The following EPHA6 variants were observed in gnomAD, a reference collection of about 807,000 sequenced individuals.
The protein encoded by EPHA6 is EPH receptor A6.
Under a neutral mutation model 112.0 loss-of-function variants are expected in EPHA6, and 50 were observed. That is an observed-to-expected ratio of 0.45 (90% CI 0.36 to 0.56). The LOEUF (loss-of-function observed/expected upper bound fraction) is 0.56. Ranked by LOEUF, EPHA6 falls within the 20% of genes least tolerant of loss-of-function variation. The pLI is 0.00. For missense variants in EPHA6, 1,280 were observed against 1,417.4 expected, an observed-to-expected ratio of 0.90 and a Z score of 1.56; for synonymous variants, 529 against 490.7, an observed-to-expected ratio of 1.08 and a Z score of -1.03.
At position 96,995,575 on chromosome 3, in the gene EPHA6, G is replaced by A. The variant is rs377045505; in HGVS notation, c.1114+7582G>A. On this transcript the variant is annotated intron_variant, in intron 3 of 17. Transcript: ENST00000389672. ...AGTTGAATAATTACAGGCATACCTC[G>A]GACACATTTCAGGTTCAGTTCCAGA... Among the ~76,000 whole-genome samples the A allele has an allele frequency of 2.0e-4, 31 of 151,956 alleles. 1 individual carries two copies. The highest frequency in any genetic ancestry group is 1.6e-3 in the Admixed American group (24 of 15,234).
At chr3:96,950,635 T>A (rs1247696619) in intron 2 of EPHA6, among the ~76,000 whole-genome samples, 1 of 152,150 alleles carries the variant, frequency 6.6e-6, no homozygotes, top group Non-Finnish European at 1.5e-5. Flanking sequence ...AAGATACTCT[T>A]TTGCTTAATA....
intron 1 of EPHA6, among the ~76,000 whole-genome samples, chr3:96,858,629 G>T (rs2035834143): frequency 6.6e-6 from 1 of 152,018 alleles, no homozygotes; most frequent in Non-Finnish European, 1.5e-5. Flanking sequence ...GAGAAGAAAT[G>T]ATTATTCATA....
At chr3:97,649,758 C>A (rs2094094213) in intron 14 of EPHA6, among the ~76,000 whole-genome samples, 1 of 130,710 alleles carries the variant, frequency 7.7e-6, no homozygotes, top group African/African-American at 3.2e-5. Flanking sequence ...ACAACAAAAT[C>A]ACTATTCACA....
intron 3 of EPHA6, among the ~76,000 whole-genome samples, chr3:97,121,524 C>T (rs1312882115): frequency 6.6e-6 from 1 of 152,048 alleles, no homozygotes; most frequent in Non-Finnish European, 1.5e-5. Flanking sequence ...TCCAGTTGAA[C>T]ATATTGGACT....
intron 2 of EPHA6, among the ~76,000 whole-genome samples, chr3:96,929,211 C>T (rs374511561): frequency 8.5e-5 from 13 of 152,216 alleles, no homozygotes; most frequent in Admixed American, 7.9e-4. Context: ...GTCTTTTAAT[C>T]GGGACATTTA....
intron 14 of EPHA6, chr3:97,648,476 T>A: frequency 1.5e-6 from 2 of 1,291,774 alleles, no homozygotes; most frequent in East Asian, 6.0e-5. Flanking sequence ...CTTCACCTAA[T>A]TTAGGTGTTT....
intron 3 of EPHA6, among the ~76,000 whole-genome samples, chr3:97,125,140 C>G (rs917045992): frequency 6.6e-6 from 1 of 151,318 alleles, no homozygotes; most frequent in Non-Finnish European, 1.5e-5. Context: ...ACAGAAGAAA[C>G]TAATGCCCTG....
chr3:97,073,314 A>G (rs1406976260), intron 3 of EPHA6, among the ~76,000 whole-genome samples: 1 of 152,168 alleles, frequency 6.6e-6, no homozygotes, highest in Non-Finnish European at 1.5e-5. Context: ...ACGTGAAATG[A>G]AAAGGATTTC....
chr3:97,532,634 T>C, intron 11 of EPHA6, 91 bp downstream of exon 11: 1 of 1,027,834 alleles, frequency 9.7e-7, no homozygotes, highest in South Asian at 1.7e-5. Flanking sequence ...AATACCACAG[T>C]CATTAAAGGA....
chr3:96,875,302 A>G (rs2036879655), intron 2 of EPHA6, among the ~76,000 whole-genome samples: 1 of 152,100 alleles, frequency 6.6e-6, no homozygotes, highest in African/African-American at 2.4e-5. Context: ...ACATCCAGGT[A>G]GTGCAGAGAA....
At chr3:97,600,350 TC>T (rs764421248) in intron 12 of EPHA6, among the ~76,000 whole-genome samples, 128 of 150,784 alleles carry the variant, frequency 8.5e-4, no homozygotes, top group Non-Finnish European at 1.6e-3. Flanking sequence ...GTGCCTGTTT[TC>T]AAAGGGAATG....
intron 1 of EPHA6, among the ~76,000 whole-genome samples, chr3:96,831,636 C>T (rs207463368): frequency 1.3e-5 from 2 of 151,886 alleles, no homozygotes; most frequent in Non-Finnish European, 1.5e-5. Context: ...AGGCTTGTCA[C>T]ATAGGTATAT....
At chr3:96,822,072 A>G (rs952370990) in intron 1 of EPHA6, among the ~76,000 whole-genome samples, 17 of 151,942 alleles carry the variant, frequency 1.1e-4, no homozygotes, top group Admixed American at 1.1e-3. Context: ...TTGCTTCACA[A>G]GACTCTTCTG....
chr3:97,142,324 G>A (rs991929064), intron 3 of EPHA6, among the ~76,000 whole-genome samples: 25 of 152,068 alleles, frequency 1.6e-4, no homozygotes, highest in African/African-American at 5.8e-4. Context: ...CTCAAAGAGT[G>A]TGTTTATGTA....
At chr3:97,512,124 C>T (rs974755054) in intron 10 of EPHA6, among the ~76,000 whole-genome samples, 7 of 152,092 alleles carry the variant, frequency 4.6e-5, no homozygotes, top group Non-Finnish European at 7.4e-5. Context: ...TTAGTGACAA[C>T]GGAGCTTTAA....
chr3:96,818,997 A>G (rs2033034756), intron 1 of EPHA6, among the ~76,000 whole-genome samples: 1 of 151,990 alleles, frequency 6.6e-6, no homozygotes. Context: ...CCAAAGTACA[A>G]AGATAAAATG....
intron 5 of EPHA6, among the ~76,000 whole-genome samples, chr3:97,386,129 A>G (rs1036697475): frequency 6.6e-6 from 1 of 152,202 alleles, no homozygotes; most frequent in East Asian, 1.9e-4. Flanking sequence ...GTCCAAGTCC[A>G]AAGTCTCATC....
At chr3:96,980,196 A>G (rs137983052) in intron 2 of EPHA6, among the ~76,000 whole-genome samples, 8,343 of 152,226 alleles carry the variant, frequency 0.055, 289 homozygotes, top group Middle Eastern at 0.12. Context: ...TCAAACATTT[A>G]AGTCTTTAAT....
chr3:97,743,308 ATAAT>A (rs1255134105), intron 16 of EPHA6, among the ~76,000 whole-genome samples: 1 of 152,116 alleles, frequency 6.6e-6, no homozygotes, highest in Admixed American at 6.6e-5. Context: ...ATGAACTCCT[ATAAT>A]GTTTTCAGCA....
Sources: allele counts gnomAD v4.1 joint callset (sites outside exome capture counted in the v4.1 genomes callset), GRCh38; gene constraint gnomAD v4.1.1; transcripts MANE v1.5; gene names NCBI Gene and HGNC (gene_info 2026-07-23, HGNC 2026-07-21).